Variants in MAD2L1BP observed in about 807,000 individuals in gnomAD.
MAD2L1BP encodes the protein MAD2L1 binding protein.
In MAD2L1BP, 22 loss-of-function variants were observed where a neutral mutation model predicts 28.4. The observed-to-expected ratio is 0.77, with a 90% CI of 0.55 to 1.10. MAD2L1BP has a LOEUF of 1.10. Among genes scored for constraint, MAD2L1BP ranks in the 50% least tolerant of loss-of-function variants. The probability of loss-of-function intolerance (pLI) is 0.00; values close to 1 mark genes in which losing one functional copy is unlikely to be tolerated. For synonymous variants in MAD2L1BP, 146 were observed against 133.7 expected, an observed-to-expected ratio of 1.09 and a Z score of -0.63; for missense variants, 325 against 350.5, an observed-to-expected ratio of 0.93 and a Z score of 0.58.
chr6:43,638,268 C>T (rs1385854863), intron 2 of MAD2L1BP, among the ~76,000 whole-genome samples: 1 of 151,976 alleles, frequency 6.6e-6, no homozygotes, highest in Non-Finnish European at 1.5e-5. Context: ...TCTCGAAGTC[C>T]TGACCTCAGG....
Position 43,640,434 on chromosome 6 carries a change from T to C in MAD2L1BP, c.726T>C (p.Thr242=). The change falls in exon 3 of 3, where the codon ACT becomes ACC. Residue 242 remains threonine, a synonymous_variant. Coordinates refer to ENST00000372171, the MANE Select transcript of MAD2L1BP (RefSeq NM_014628.3). ...YRVPSRGHKL[T]VTLSCGRPSI... ...TGCCCAGCCGGGGCCATAAACTGAC[T>C]GTGACCCTGTCATGTGGCAGACCTT... 2 of 1,613,924 alleles carry C rather than the reference T, an allele frequency of 1.2e-6. No individual in the cohort carries two copies. Among genetic ancestry groups the C allele is most frequent in the Non-Finnish European group, 1.7e-6 (2 of 1,179,996 alleles).
chr6:43,640,033 C>A lies in MAD2L1BP; in HGVS notation c.325C>A (p.Leu109Met). 1 of 1,527,724 alleles carries A rather than the reference C, an allele frequency of 6.5e-7. No individual in the cohort carries two copies. Among genetic ancestry groups the A allele is most frequent in the Non-Finnish European group, 8.8e-7 (1 of 1,134,422 alleles). The allele number at this position is 1,527,724 out of a possible 1,614,324, so 94.6% of individuals were successfully genotyped here. ...RKPSPQAEEM[L>M]KKKPRATTEV... is the part of the protein sequence containing the mutation. The stretch of plus-strand genomic sequence containing the variant: ...TTTGTCCTCACAGGCAGAGGAGATG[C>A]TGAAGAAGAAACCTCGGGCCACCAC... The change falls in exon 3 of 3, where the codon CTG becomes ATG. Residue 109 changes from leucine to methionine, a missense_variant. Physicochemically the swap from Leu to Met is conservative, Grantham distance 15. Transcript: ENST00000372171.
upstream of MAD2L1BP, among the ~76,000 whole-genome samples, chr6:43,635,001 A>C (rs922151091): frequency 2.6e-5 from 4 of 152,080 alleles, no homozygotes; most frequent in African/African-American, 7.2e-5. Context: ...TTCATCAAGT[A>C]CTCGGGTAAT....
upstream of MAD2L1BP, among the ~76,000 whole-genome samples, chr6:43,635,005 G>T (rs987562080): frequency 6.6e-6 from 1 of 152,038 alleles, no homozygotes; most frequent in Non-Finnish European, 1.5e-5. Flanking sequence ...TCAAGTACTC[G>T]GGTAATTGCA....
chr6:43,635,898 T>C lies in MAD2L1BP; in HGVS notation c.23T>C (p.Val8Ala). The C allele has an allele frequency of 6.7e-7, 1 of 1,486,396 alleles. No homozygotes were observed. Among genetic ancestry groups the C allele is most frequent in the South Asian group, 1.3e-5 (1 of 75,210 alleles). 92.1% of individuals were successfully genotyped at this position (1,486,396 alleles called of 1,614,324 possible). A position where few individuals can be genotyped will look rare whatever the true frequency, so the allele number is the denominator to read the frequency against. MAAPEAE[V>A]LSSAAVPDLE... ...GTGATGGCGGCGCCGGAGGCGGAGG[T>C]TCTGTCCTCAGCCGCAGTCCCTGGT... Residue 8 changes from valine (V) to alanine (A), a missense_variant, in exon 1 of 3, where the codon GTT becomes GCT. Transcript: ENST00000372171.
upstream of MAD2L1BP, among the ~76,000 whole-genome samples, chr6:43,634,204 TTTTTTTTC>T (rs1441175707): frequency 1.3e-3 from 186 of 146,450 alleles, no homozygotes; most frequent in Non-Finnish European, 2.3e-3. Flanking sequence ...TCCATCCTTT[TTTTTTTTC>T]TTTTTTTCTT....
intron 1 of MAD2L1BP, among the ~76,000 whole-genome samples, chr6:43,630,154 A>T (rs1483576762): frequency 1.3e-5 from 2 of 152,190 alleles, no homozygotes; most frequent in African/African-American, 2.4e-5. Context: ...AGTGGCCGGG[A>T]ATAGAAACTT....
At position 43,640,174 on chromosome 6, in the gene MAD2L1BP, G is replaced by T; in HGVS notation, c.466G>T (p.Gly156Cys). The T allele has an allele frequency of 1.9e-6, 3 of 1,613,420 alleles. No homozygotes were observed. The highest frequency in any genetic ancestry group is 2.5e-6 in the Non-Finnish European group (3 of 1,179,552). ...ACCGCGAGTGCTGATTCTCCTTGGG[G>T]GCAATGCCCTAAGCCCCAAGGAGTT... Reference protein sequence around the residue: ...LVPRVLILLGGNALSPKEFYE... With the variant: ...LVPRVLILLGCNALSPKEFYE... The change falls in exon 3 of 3, where the codon GGC (glycine) becomes TGC (cysteine). Residue 156 changes from glycine (G) to cysteine (C), a missense_variant. Coordinates refer to ENST00000372171, the MANE Select transcript of MAD2L1BP (RefSeq NM_014628.3).
At chr6:43,637,631 C>A (rs1176095370) in intron 2 of MAD2L1BP, among the ~76,000 whole-genome samples, 1 of 151,842 alleles carries the variant, frequency 6.6e-6, no homozygotes, top group Non-Finnish European at 1.5e-5. Flanking sequence ...GGGAGTTTCA[C>A]TCTGTCACCC....
At chr6:43,637,304 A>C in intron 2 of MAD2L1BP, among the ~76,000 whole-genome samples, 1 of 151,834 alleles carries the variant, frequency 6.6e-6, no homozygotes, top group Non-Finnish European at 1.5e-5. Context: ...ACCTCAAGTG[A>C]TCTGCCCGCC....
upstream of MAD2L1BP, among the ~76,000 whole-genome samples, chr6:43,635,233 AC>A (rs1385577672): frequency 6.6e-6 from 1 of 152,174 alleles, no homozygotes; most frequent in Non-Finnish European, 1.5e-5. Flanking sequence ...GTTATTCACT[AC>A]AGCCTTAACT....
At position 43,636,392 on chromosome 6, in the gene MAD2L1BP, T is replaced by C. The variant is rs766096257; in HGVS notation, c.58T>C (p.Tyr20His). Reference protein sequence around the residue: ...SSAAVPDLEWYEKSEETHASQ... With the variant: ...SSAAVPDLEWHEKSEETHASQ... ...TTTTCATCTACCAGATTTGGAGTGGTATGAGAAGTCCGAAGAAACTCACGC... is the reference window on the plus strand; with the variant it reads ...TTTTCATCTACCAGATTTGGAGTGGCATGAGAAGTCCGAAGAAACTCACGC... Residue 20 changes from tyrosine to histidine, a missense_variant, in exon 2 of 3, where the codon TAT becomes CAT. By Grantham distance (83) the Tyr-to-His change is moderately conservative. Coordinates refer to ENST00000372171, the MANE Select transcript of MAD2L1BP (RefSeq NM_014628.3). 5.6e-6 allele frequency: 9 copies of C among 1,614,008 alleles called. No homozygotes were observed. The South Asian group carries it at 9.9e-5, about 18-fold the overall frequency.
In MAD2L1BP at chr6:43,640,372, G is replaced by C. The variant is rs976415240; in HGVS notation, c.664G>C (p.Gly222Arg). The part of the protein sequence containing the change: ...VVMAQGHRNC[G>R]EDWFRPKLNY... ...CATGGCACAGGGACACCGCAACTGT[G>C]GAGAAGATTGGTTTCGACCCAAGCT... is the stretch of plus-strand genomic sequence containing the variant. The change falls in exon 3 of 3, where the codon GGA (glycine) becomes CGA (arginine). Residue 222 changes from glycine (G) to arginine (R), a missense_variant. Transcript: ENST00000372171. 1 of 1,613,988 alleles carries C rather than the reference G, an allele frequency of 6.2e-7. No individual in the cohort carries two copies. The highest frequency in any genetic ancestry group is 1.1e-5 in the South Asian group (1 of 91,068).
At chr6:43,633,165 C>T, upstream of MAD2L1BP, 1 of 432,474 alleles carries the variant, frequency 2.3e-6, no homozygotes. Context: ...GTATTTTAAT[C>T]ATTGTACTTT....
chr6:43,640,713 T>C lies in MAD2L1BP; in HGVS notation c.*180T>C. On this transcript the variant is annotated 3_prime_UTR_variant, in exon 3 of 3. Transcript: ENST00000372171. The stretch of plus-strand genomic sequence containing the variant: ...GGCTGATGGCATGTGGCTGTGACTG[T>C]GACTGTAATCATTGCTGAACAACAT... The C allele has an allele frequency of 1.6e-6, 1 of 606,680 alleles. No homozygotes were observed. The allele number at this position is 606,680 out of a possible 1,614,324, so 37.6% of individuals were successfully genotyped here. A position where few individuals can be genotyped will look rare whatever the true frequency, so the allele number is the denominator to read the frequency against.
At chr6:43,629,689 G>C in exon 1 of MAD2L1BP, 1 of 1,536,020 alleles carries the variant, frequency 6.5e-7, no homozygotes, top group South Asian at 1.2e-5. Context: ...GAGAGCTGCA[G>C]AACTGAGGCT....
At chr6:43,634,601 C>T (rs1209526654), upstream of MAD2L1BP, among the ~76,000 whole-genome samples, 1 of 151,988 alleles carries the variant, frequency 6.6e-6, no homozygotes, top group African/African-American at 2.4e-5. Flanking sequence ...CACTCTGTCA[C>T]CTAGGCTGGA....
intron 2 of MAD2L1BP, among the ~76,000 whole-genome samples, chr6:43,638,460 G>A (rs1284160247): frequency 6.6e-6 from 1 of 152,016 alleles, no homozygotes; most frequent in Non-Finnish European, 1.5e-5. Context: ...TCTGGACTTT[G>A]ACTTTCATGT....
upstream of MAD2L1BP, among the ~76,000 whole-genome samples, chr6:43,631,613 T>G (rs1769930623): frequency 6.6e-6 from 1 of 152,038 alleles, no homozygotes; most frequent in Non-Finnish European, 1.5e-5. Context: ...GCCTCTGGAG[T>G]AGCTGGAACT....
Sources: gnomAD v4.1 joint callset for allele counts (sites outside exome capture counted in the v4.1 genomes callset) on GRCh38, gnomAD v4.1.1 for gene constraint, MANE v1.5 for transcripts, NCBI Gene and HGNC (gene_info 2026-07-23, HGNC 2026-07-21) for gene names.